Variants in ADGRV1 observed in about 807,000 individuals in gnomAD.
ADGRV1 encodes the protein adhesion G protein-coupled receptor V1.
A neutral mutation model predicts 596.2 loss-of-function variants in ADGRV1; 359 were observed. The observed-to-expected ratio is 0.60, with a 90% CI of 0.55 to 0.66. ADGRV1 has a LOEUF of 0.66. Ranked by LOEUF, ADGRV1 falls within the 30% of genes least tolerant of loss-of-function variation. The pLI is 0.00. For missense variants in ADGRV1, 7,274 were observed against 7,575.6 expected, an observed-to-expected ratio of 0.96 and a Z score of 1.48; for synonymous variants, 2,681 against 2,679.2, an observed-to-expected ratio of 1.00 and a Z score of -0.02.
rs1193859160 is a variant in ADGRV1, at chr5:91,153,236, G to A, written c.18640G>A (p.Glu6214Lys). The change falls in exon 89 of 90, where the codon GAG becomes AAG. Residue 6214 changes from glutamate to lysine, a missense_variant. Physicochemically the swap from Glu to Lys is moderately conservative, Grantham distance 56. Around this residue, in one of 5 missense-constraint regions of ADGRV1, gnomAD observed 1,874 missense variants for 1,970.2 expected, o/e 0.95. Coordinates refer to ENST00000405460, the MANE Select transcript of ADGRV1 (RefSeq NM_032119.4). ...GAMEEVPPDW[E>K]RASFQQGSQA... ...ATCTAAAAAGGTGCCACCTGACTGGGAGAGAGCATCCTTCCAACAGGGCAG... is the reference window on the plus strand; with the variant it reads ...ATCTAAAAAGGTGCCACCTGACTGGAAGAGAGCATCCTTCCAACAGGGCAG... The A allele has an allele frequency of 1.9e-6, 3 of 1,606,786 alleles. No individual in the cohort carries two copies. The highest frequency in any genetic ancestry group is 2.5e-6 in the Non-Finnish European group (3 of 1,176,506).
intron 50 of ADGRV1, among the ~76,000 whole-genome samples, chr5:90,731,203 G>A (rs1752493921): frequency 1.3e-5 from 2 of 152,146 alleles, no homozygotes; most frequent in Admixed American, 1.3e-4. Flanking sequence ...TTACAGTCAT[G>A]GCAGAAGGGT....
chr5:91,150,340 T>A, intron 88 of ADGRV1, 119 bp downstream of exon 88: 1 of 739,104 alleles, frequency 1.4e-6, no homozygotes, highest in Non-Finnish European at 2.0e-6. Flanking sequence ...TCATAAAGAG[T>A]ACAAGATGAA....
chr5:91,110,697 A>G (rs1332275427), intron 87 of ADGRV1, among the ~76,000 whole-genome samples: 1 of 152,180 alleles, frequency 6.6e-6, no homozygotes, highest in Admixed American at 6.5e-5. Context: ...AGCTGCTTGG[A>G]GATGCTAGAA....
intron 84 of ADGRV1, among the ~76,000 whole-genome samples, chr5:90,972,913 G>T (rs1257615325): frequency 2.0e-5 from 3 of 152,110 alleles, no homozygotes; most frequent in African/African-American, 7.2e-5. Context: ...GAATCCAAGA[G>T]CTGGTTTTTT....
At chr5:90,847,707 G>A (rs555311392) in intron 78 of ADGRV1, among the ~76,000 whole-genome samples, 3 of 152,196 alleles carry the variant, frequency 2.0e-5, no homozygotes, top group Non-Finnish European at 4.4e-5. Context: ...CACGGCAGCT[G>A]CTGGCCAAGG....
intron 56 of ADGRV1, 69 bp downstream of exon 56, chr5:90,756,699 T>G: frequency 8.0e-7 from 1 of 1,256,366 alleles, no homozygotes; most frequent in Non-Finnish European, 1.1e-6. Flanking sequence ...CAGTGTTTTA[T>G]GTTTAGCTTT....
chr5:91,158,837 A>C (rs1423104832), intron 89 of ADGRV1, among the ~76,000 whole-genome samples: 1 of 147,390 alleles, frequency 6.8e-6, no homozygotes, highest in Non-Finnish European at 1.5e-5. Context: ...TATTGGATGG[A>C]TACATGGATG....
intron 86 of ADGRV1, among the ~76,000 whole-genome samples, chr5:91,097,468 A>G (rs576099798): frequency 4.7e-4 from 71 of 152,328 alleles, no homozygotes; most frequent in Middle Eastern, 6.8e-3. Context: ...TTATTTATCT[A>G]TTCATCTGTT....
At chr5:90,839,637 A>T (rs912902394) in intron 77 of ADGRV1, among the ~76,000 whole-genome samples, 20 of 152,306 alleles carry the variant, frequency 1.3e-4, no homozygotes, top group Admixed American at 1.3e-3. Flanking sequence ...TCTGCCTAGA[A>T]TATTTCCCAA....
At chr5:91,136,570 TTAG>T (rs1481861994) in intron 87 of ADGRV1, among the ~76,000 whole-genome samples, 2 of 152,228 alleles carry the variant, frequency 1.3e-5, no homozygotes, top group Admixed American at 6.5e-5. Context: ...GCAAATTCTT[TTAG>T]TAGTAAAAAC....
Position 90,745,168 on chromosome 5 carries a change from T to G in ADGRV1, c.10672T>G (p.Ser3558Ala). 6.2e-7 allele frequency: 1 copy of G among 1,613,372 alleles called. No homozygotes were observed. The highest frequency in any genetic ancestry group is 8.5e-7 in the Non-Finnish European group (1 of 1,179,568). ...TGATGTGGCTTCTGTTACAGTAAAG[T>G]CCCTTAATTCAAGCAAGAATTTAAT... The part of the protein sequence containing the change: ...AYDVASVTVK[S>A]LNSSKNLIAL... Residue 3558 changes from serine (S) to alanine (A), a missense_variant, in exon 51 of 90, where the codon TCC (serine) becomes GCC (alanine). Around this residue, in one of 5 missense-constraint regions of ADGRV1, gnomAD observed 3,643 missense variants for 3,809.2 expected, o/e 0.96. Transcript: ENST00000405460.
At chr5:91,056,796 G>A (rs1357011380) in intron 85 of ADGRV1, among the ~76,000 whole-genome samples, 1 of 151,950 alleles carries the variant, frequency 6.6e-6, no homozygotes, top group Non-Finnish European at 1.5e-5. Flanking sequence ...GCCACTCCTG[G>A]GCCAAAATGC....
chr5:91,024,360 A>G (rs776832631), intron 85 of ADGRV1, among the ~76,000 whole-genome samples: 1 of 152,166 alleles, frequency 6.6e-6, no homozygotes, highest in African/African-American at 2.4e-5. Flanking sequence ...GAATCATTTT[A>G]GTAGGTTAAT....
At chr5:91,146,809 A>T (rs1165226941) in intron 87 of ADGRV1, among the ~76,000 whole-genome samples, 1 of 152,204 alleles carries the variant, frequency 6.6e-6, no homozygotes, top group African/African-American at 2.4e-5. Flanking sequence ...ATACTTCTGC[A>T]ATTCTGTTTT....
chr5:90,867,970 C>A (rs1195136671), intron 83 of ADGRV1, among the ~76,000 whole-genome samples: 1 of 152,036 alleles, frequency 6.6e-6, no homozygotes, highest in East Asian at 1.9e-4. Context: ...AATTGAGAAG[C>A]AGAGGGTCAT....
chr5:91,068,308 A>C (rs1008174051), intron 85 of ADGRV1, among the ~76,000 whole-genome samples: 1 of 151,820 alleles, frequency 6.6e-6, no homozygotes, highest in African/African-American at 2.4e-5. Context: ...AAAAAAACAA[A>C]AAACAAAAAA....
At chr5:91,124,407 A>G (rs1263452572) in intron 87 of ADGRV1, among the ~76,000 whole-genome samples, 1 of 152,238 alleles carries the variant, frequency 6.6e-6, no homozygotes, top group African/African-American at 2.4e-5. Flanking sequence ...TGGGGTTAAT[A>G]TTAGGTTCAT....
intron 17 of ADGRV1, 99 bp from the exon 18 acceptor site, chr5:90,651,505 A>T (rs1768619678): frequency 9.3e-7 from 1 of 1,071,710 alleles, no homozygotes; most frequent in Admixed American, 3.1e-5. Context: ...TCTTGCTGAA[A>T]TTTTCAACTT....
chr5:90,684,123 C>T lies in ADGRV1; in HGVS notation c.6202C>T (p.Pro2068Ser). The part of the protein sequence containing the change: ...IAISILDDDE[P>S]ERSESVFIEL... ...TATTTCAATTTTGGATGATGATGAG[C>T]CAGAAAGGTCCGAATCTGTCTTTAT... The change falls in exon 28 of 90, where the codon CCA becomes TCA. Residue 2068 changes from proline to serine, a missense_variant. Physicochemically the swap from Pro to Ser is moderately conservative, Grantham distance 74 (BLOSUM62 -1). This residue lies in a region of ADGRV1 where 3,643 missense variants were observed against 3,809.2 expected (regional missense o/e 0.96). Coordinates refer to ENST00000405460, the MANE Select transcript of ADGRV1 (RefSeq NM_032119.4). 6.2e-7 allele frequency: 1 copy of T among 1,613,726 alleles called. No individual in the cohort carries two copies. Among genetic ancestry groups the T allele is most frequent in the Non-Finnish European group, 8.5e-7 (1 of 1,179,806 alleles).
Sources: allele counts gnomAD v4.1 joint callset (sites outside exome capture counted in the v4.1 genomes callset), GRCh38; gene constraint gnomAD v4.1.1; regional missense constraint gnomAD v4.1.1; transcripts MANE v1.5; gene names NCBI Gene and HGNC (gene_info 2026-07-23, HGNC 2026-07-21).